Variants in HNF4G observed in about 807,000 individuals in gnomAD.
The protein encoded by HNF4G is hepatocyte nuclear factor 4-gamma.
A neutral mutation model predicts 50.9 loss-of-function variants in HNF4G; 21 were observed. The observed-to-expected ratio is 0.41, with a 90% confidence interval of 0.29 to 0.59. The LOEUF (loss-of-function observed/expected upper bound fraction) is 0.59. HNF4G is among the 20% of genes least tolerant of loss of function. The pLI is 0.26. For synonymous variants in HNF4G, 198 were observed against 185.6 expected, an observed-to-expected ratio of 1.07 and a Z score of -0.54; for missense variants, 527 against 559.4, an observed-to-expected ratio of 0.94 and a Z score of 0.58.
At chr8:75,496,600 C>T (rs1812773448) in intron 2 of HNF4G, among the ~76,000 whole-genome samples, 3 of 152,026 alleles carry the variant, frequency 2.0e-5, no homozygotes, top group Admixed American at 2.0e-4. Flanking sequence ...TCTTGCATCT[C>T]TTCTTACCAC....
intron 3 of HNF4G, among the ~76,000 whole-genome samples, chr8:75,549,964 AT>A (rs1319180150): frequency 1.3e-5 from 2 of 152,108 alleles, no homozygotes; most frequent in African/African-American, 4.8e-5. Context: ...GCTGCATAGT[AT>A]TCCATGGTGT....
rs1812107529 is a variant in HNF4G at position 75,471,363 on chromosome 8, CAATT to C, written c.-143-18721_-143-18718del. Among the ~76,000 whole-genome samples the C allele has an allele frequency of 2.6e-5, 4 of 152,150 alleles. No individual in the cohort carries two copies. The South Asian group carries it at 8.3e-4, about 32-fold the overall frequency. ...TATGAATTTCTGCAGTATATCTAAG[CAATT>C]AATTCATTATATAGCTCTCATATTT... On this transcript the variant is annotated intron_variant, in intron 1 of 10. Coordinates refer to the HNF4G transcript ENST00000354370.
At chr8:75,497,611 G>C (rs1288868614) in intron 2 of HNF4G, among the ~76,000 whole-genome samples, 1 of 151,888 alleles carries the variant, frequency 6.6e-6, no homozygotes, top group Non-Finnish European at 1.5e-5. Flanking sequence ...TTGAACCCAG[G>C]AGGCGGAGGT....
At chr8:75,449,709 G>A (rs369095752) in intron 1 of HNF4G, among the ~76,000 whole-genome samples, 14 of 151,662 alleles carry the variant, frequency 9.2e-5, no homozygotes, top group East Asian at 7.8e-4. Context: ...GGGTTTCACC[G>A]TGTTAGCCCG....
At chr8:75,408,461 A>G (rs1031997014) in intron 1 of HNF4G, among the ~76,000 whole-genome samples, 2 of 152,124 alleles carry the variant, frequency 1.3e-5, no homozygotes, top group Non-Finnish European at 2.9e-5. Flanking sequence ...CACCCCATGC[A>G]TGGCCTTTGC....
chr8:75,454,886 C>T (rs934725410), intron 1 of HNF4G, among the ~76,000 whole-genome samples: 3 of 152,078 alleles, frequency 2.0e-5, no homozygotes, highest in African/African-American at 7.2e-5. Flanking sequence ...ATCATTAAAC[C>T]TATTTTTGAG....
chr8:75,451,802 C>T (rs1563512359), intron 1 of HNF4G, among the ~76,000 whole-genome samples: 3 of 152,002 alleles, frequency 2.0e-5, no homozygotes, highest in African/African-American at 4.8e-5. Flanking sequence ...GTTGTTTGTC[C>T]CTTAAAACTA....
chr8:75,423,710 A>G (rs1477492110), intron 1 of HNF4G, among the ~76,000 whole-genome samples: 1 of 150,298 alleles, frequency 6.7e-6, no homozygotes, highest in African/African-American at 2.4e-5. Context: ...ATTCTTAATT[A>G]TAAAAGCAGA....
chr8:75,446,888 A>G (rs1369236988), intron 1 of HNF4G, among the ~76,000 whole-genome samples: 1 of 112,812 alleles, frequency 8.9e-6, no homozygotes, highest in Non-Finnish European at 1.8e-5. Context: ...TGCCATCCCC[A>G]TCAAGCTACC....
chr8:75,552,778 C>A (rs997880917), intron 4 of HNF4G, among the ~76,000 whole-genome samples: 1 of 151,908 alleles, frequency 6.6e-6, no homozygotes, highest in Non-Finnish European at 1.5e-5. Context: ...CAGATTTGAC[C>A]ACTAACATAA....
At chr8:75,520,202 T>A (rs1035877585) in intron 2 of HNF4G, among the ~76,000 whole-genome samples, 2 of 152,092 alleles carry the variant, frequency 1.3e-5, no homozygotes, top group African/African-American at 4.8e-5. Flanking sequence ...AACCATATAA[T>A]TGTTTGTATA....
chr8:75,427,032 AG>A (rs1191563450), intron 1 of HNF4G, among the ~76,000 whole-genome samples: 2 of 152,158 alleles, frequency 1.3e-5, no homozygotes, highest in Non-Finnish European at 2.9e-5. Flanking sequence ...TTTTGAAAAA[AG>A]TTTTAGTTAA....
intron 1 of HNF4G, among the ~76,000 whole-genome samples, chr8:75,445,056 G>A (rs994394355): frequency 1.5e-4 from 23 of 150,186 alleles, no homozygotes; most frequent in African/African-American, 5.4e-4. Flanking sequence ...AAATGTGAAA[G>A]AACAGAAATT....
chr8:75,436,744 G>A (rs1435498626), intron 1 of HNF4G, among the ~76,000 whole-genome samples: 1 of 152,150 alleles, frequency 6.6e-6, no homozygotes, highest in Admixed American at 6.6e-5. Context: ...CATATTTAAA[G>A]TTTAAAATGA....
At chr8:75,502,372 A>T (rs2130707695) in intron 2 of HNF4G, among the ~76,000 whole-genome samples, 1 of 152,328 alleles carries the variant, frequency 6.6e-6, no homozygotes, top group South Asian at 2.1e-4. Flanking sequence ...ATAAAATTTG[A>T]CTTGATGAAT....
intron 1 of HNF4G, among the ~76,000 whole-genome samples, chr8:75,466,628 CCTTCCTTCTCCCTTCCCTTCCCTTCCCT>C (rs1232362792): frequency 0.022 from 1,532 of 69,388 alleles, 12 homozygotes; most frequent in Middle Eastern, 0.054. Flanking sequence ...TTCCTTCCTT[CCTTCCTTCTCCCTTCCCTTCCCTTCCCT>C]TCCCTTCCCT....
intron 2 of HNF4G, among the ~76,000 whole-genome samples, chr8:75,544,694 T>A (rs1806723647): frequency 6.6e-6 from 1 of 151,984 alleles, no homozygotes; most frequent in Non-Finnish European, 1.5e-5. Flanking sequence ...ATAACACGAT[T>A]TAAGTATACA....
intron 1 of HNF4G, among the ~76,000 whole-genome samples, chr8:75,466,215 C>G (rs1391603123): frequency 6.6e-6 from 1 of 152,034 alleles, no homozygotes; most frequent in African/African-American, 2.4e-5. Flanking sequence ...CCAAAATTTT[C>G]TTTTTTCAGG....
At chr8:75,524,126 A>G (rs1238089427) in intron 2 of HNF4G, among the ~76,000 whole-genome samples, 1 of 152,146 alleles carries the variant, frequency 6.6e-6, no homozygotes, top group Non-Finnish European at 1.5e-5. Flanking sequence ...ATTTAAGCAC[A>G]GAGACATGAG....
Sources: gnomAD v4.1 joint callset for allele counts (sites outside exome capture counted in the v4.1 genomes callset) on GRCh38, gnomAD v4.1.1 for gene constraint, MANE v1.5 for transcripts, NCBI Gene and HGNC (gene_info 2026-07-23, HGNC 2026-07-21) for gene names.